FOXP1: variants seen among roughly 807,000 people sequenced by gnomAD.
The protein encoded by FOXP1 is forkhead box P1, also known as forkhead box protein P1.
Under a neutral mutation model 98.2 loss-of-function variants are expected in FOXP1, and 15 were observed. The ratio of observed to expected loss-of-function variants is 0.15; its 90% confidence interval spans 0.10 to 0.24. The LOEUF is 0.24. Ranked by LOEUF, FOXP1 falls within the 10% of genes least tolerant of loss-of-function variation. The pLI is 1.00. For synonymous variants in FOXP1, 371 were observed against 314.5 expected, an observed-to-expected ratio of 1.18 and a Z score of -1.90; for missense variants, 633 against 848.5, an observed-to-expected ratio of 0.75 and a Z score of 3.15.
intron 7 of FOXP1, among the ~76,000 whole-genome samples, chr3:71,078,830 A>T (rs1464661153): frequency 6.6e-6 from 1 of 152,108 alleles, no homozygotes; most frequent in Non-Finnish European, 1.5e-5. Flanking sequence ...TGGAGCCACT[A>T]GTCATAAATA....
intron 6 of FOXP1, among the ~76,000 whole-genome samples, chr3:71,159,033 G>C (rs919569709): frequency 1.3e-4 from 19 of 150,506 alleles, no homozygotes; most frequent in African/African-American, 4.4e-4. Flanking sequence ...TGGAGCCCAG[G>C]AGGTCGAGGT....
At chr3:71,488,610 T>A (rs980335045) in intron 3 of FOXP1, among the ~76,000 whole-genome samples, 3 of 152,256 alleles carry the variant, frequency 2.0e-5, no homozygotes, top group African/African-American at 7.2e-5. Flanking sequence ...CCTAGCCAGT[T>A]AGCTATGTGG....
At chr3:71,248,702 C>A (rs1279747725) in intron 5 of FOXP1, among the ~76,000 whole-genome samples, 1 of 151,048 alleles carries the variant, frequency 6.6e-6, no homozygotes, top group Non-Finnish European at 1.5e-5. Flanking sequence ...GATTGCACCA[C>A]TGCACCCCAG....
chr3:71,413,236 GACAC>G (rs1230276016), intron 3 of FOXP1, among the ~76,000 whole-genome samples: 1 of 47,550 alleles, frequency 2.1e-5, no homozygotes, highest in African/African-American at 1.0e-4. Flanking sequence ...CCCCCAAATA[GACAC>G]ACACACATCC....
At chr3:71,580,547 A>G (rs1014960332) in intron 2 of FOXP1, among the ~76,000 whole-genome samples, 3 of 152,202 alleles carry the variant, frequency 2.0e-5, no homozygotes, top group Non-Finnish European at 4.4e-5. Context: ...ACAGAAAAAT[A>G]GCAGGAACTC....
At chr3:71,354,102 C>T (rs1356698800) in intron 4 of FOXP1, among the ~76,000 whole-genome samples, 2 of 140,754 alleles carry the variant, frequency 1.4e-5, no homozygotes, top group African/African-American at 5.4e-5. Flanking sequence ...ATCAGGAGTT[C>T]AAAACCAGCC....
At chr3:71,455,016 A>G (rs2087330967) in intron 3 of FOXP1, among the ~76,000 whole-genome samples, 1 of 152,156 alleles carries the variant, frequency 6.6e-6, no homozygotes, top group Admixed American at 6.5e-5. Flanking sequence ...AAACTTCAAA[A>G]ACCATGTCAT....
intron 17 of FOXP1, among the ~76,000 whole-genome samples, chr3:70,973,835 G>GT (rs2036889825): frequency 2.7e-5 from 1 of 36,690 alleles, no homozygotes. Context: ...TTTGCACACC[G>GT]CCCCCCCCCC....
At chr3:71,102,357 A>G (rs1390117514) in intron 7 of FOXP1, among the ~76,000 whole-genome samples, 1 of 152,232 alleles carries the variant, frequency 6.6e-6, no homozygotes, top group African/African-American at 2.4e-5. Flanking sequence ...CTTTTGTTAC[A>G]CAAGCATGCT....
intron 3 of FOXP1, among the ~76,000 whole-genome samples, chr3:71,463,939 C>T (rs970502746): frequency 1.3e-5 from 2 of 152,134 alleles, no homozygotes; most frequent in African/African-American, 4.8e-5. Context: ...TACATTTCTG[C>T]AAAGGCTGAG....
At chr3:71,126,086 T>C (rs2059149543) in intron 6 of FOXP1, among the ~76,000 whole-genome samples, 1 of 152,190 alleles carries the variant, frequency 6.6e-6, no homozygotes, top group Admixed American at 6.5e-5. Flanking sequence ...AATAACTTCA[T>C]GGTAGAAGAT....
chr3:71,130,649 T>C (rs745366072), intron 6 of FOXP1: 2 of 1,597,306 alleles, frequency 1.3e-6, no homozygotes, highest in South Asian at 2.2e-5. Context: ...ACTGTGCGGC[T>C]GAAGCACACT....
chr3:71,550,142 C>T (rs113147985), intron 2 of FOXP1, among the ~76,000 whole-genome samples: 1 of 152,120 alleles, frequency 6.6e-6, no homozygotes. Flanking sequence ...CAGAAGTAGC[C>T]ACATCATTGG....
chr3:71,542,315 G>C (rs752341419), intron 2 of FOXP1, among the ~76,000 whole-genome samples: 2 of 151,868 alleles, frequency 1.3e-5, no homozygotes, highest in Non-Finnish European at 2.9e-5. Context: ...GTTGTTGTTT[G>C]CACCCAATGT....
At chr3:71,413,253 C>G (rs2082922749) in intron 3 of FOXP1, among the ~76,000 whole-genome samples, 1 of 43,080 alleles carries the variant, frequency 2.3e-5, no homozygotes, top group Admixed American at 2.5e-4. Context: ...ACACATCCCC[C>G]AAATAGACAC....
intron 12 of FOXP1, among the ~76,000 whole-genome samples, chr3:71,004,669 T>A (rs2042548274): frequency 6.6e-6 from 1 of 152,134 alleles, no homozygotes; most frequent in Non-Finnish European, 1.5e-5. Flanking sequence ...TCCATTAATA[T>A]TTTAACTAAA....
At position 71,567,687 on chromosome 3, in the gene FOXP1, G is replaced by C. The variant is rs1362138919; in HGVS notation, c.-298+13862C>G. ...GGTCAACCACATCTCTACTTGATGG[G>C]GCTCGATTAGCTTGCAATTCCTGAA... On this transcript the variant is annotated intron_variant, in intron 2 of 20. Transcript: ENST00000649528. Among the ~76,000 whole-genome samples the C allele has an allele frequency of 5.3e-5, 8 of 152,174 alleles. No individual in the cohort carries two copies. The East Asian group carries it at 1.5e-3, about 29-fold the overall frequency.
intron 3 of FOXP1, among the ~76,000 whole-genome samples, chr3:71,415,222 T>C (rs1191222576): frequency 6.6e-6 from 1 of 152,210 alleles, no homozygotes; most frequent in Non-Finnish European, 1.5e-5. Context: ...ATGTTCTCAA[T>C]TTAAAACCAT....
chr3:71,533,887 G>T (rs1024200442), intron 2 of FOXP1, among the ~76,000 whole-genome samples: 1 of 152,098 alleles, frequency 6.6e-6, no homozygotes, highest in Non-Finnish European at 1.5e-5. Context: ...TGGGTTTAAG[G>T]TGATTGTAAC....
Sources: gnomAD v4.1 joint callset for allele counts (sites outside exome capture counted in the v4.1 genomes callset) on GRCh38, gnomAD v4.1.1 for gene constraint, MANE v1.5 for transcripts, NCBI Gene and HGNC (gene_info 2026-07-23, HGNC 2026-07-21) for gene names.